The following STRN variants were observed in gnomAD, a reference collection of about 807,000 sequenced individuals.
STRN encodes protein phosphatase 2 regulatory subunit B'''alpha.
STRN carries 53 observed loss-of-function variants against 96.3 expected under a neutral mutation model. The observed-to-expected ratio is 0.55, with a 90% confidence interval of 0.44 to 0.69. The LOEUF (loss-of-function observed/expected upper bound fraction) is 0.69. Among genes scored for constraint, STRN ranks in the 30% least tolerant of loss-of-function variants. The pLI is 0.00. For synonymous variants in STRN, 428 were observed against 355.9 expected (o/e 1.20, Z -2.28); for missense variants, 987 against 963.9 (o/e 1.02, Z -0.32).
chr2:36,964,199 G>A, intron 1 of STRN, among the ~76,000 whole-genome samples: 1 of 148,308 alleles, frequency 6.7e-6, no homozygotes, highest in Non-Finnish European at 1.5e-5. Context: ...GGGAAGGATG[G>A]GTTGGAATTC....
intron 1 of STRN, among the ~76,000 whole-genome samples, chr2:36,931,506 G>T (rs1286335541): frequency 6.6e-6 from 1 of 152,154 alleles, no homozygotes; most frequent in Non-Finnish European, 1.5e-5. Context: ...GAGGATTCAA[G>T]TGATAAAATC....
chr2:36,932,693 C>T (rs983813856), intron 1 of STRN, among the ~76,000 whole-genome samples: 2 of 152,102 alleles, frequency 1.3e-5, no homozygotes, highest in Non-Finnish European at 1.5e-5. Context: ...GCCTTGAACT[C>T]CCGGGCTCAA....
intron 1 of STRN, among the ~76,000 whole-genome samples, chr2:36,954,439 T>C (rs1276054785): frequency 3.4e-5 from 5 of 147,940 alleles, no homozygotes; most frequent in African/African-American, 1.3e-4. Flanking sequence ...TTGAACCCAG[T>C]AGGCAGAGGT....
chr2:36,940,910 T>G (rs1176257261), intron 1 of STRN, among the ~76,000 whole-genome samples: 1 of 151,848 alleles, frequency 6.6e-6, no homozygotes, highest in East Asian at 1.9e-4. Context: ...CCCAGCACTT[T>G]GGGAGGCCAA....
intron 3 of STRN, among the ~76,000 whole-genome samples, chr2:36,910,363 TAAA>T (rs1669935470): frequency 6.6e-6 from 1 of 152,130 alleles, no homozygotes; most frequent in South Asian, 2.1e-4. Context: ...TAAATATCTT[TAAA>T]AGACAAAAGA....
chr2:36,925,847 T>C (rs998691190), intron 1 of STRN, among the ~76,000 whole-genome samples: 3 of 152,212 alleles, frequency 2.0e-5, no homozygotes, highest in Non-Finnish European at 4.4e-5. Flanking sequence ...AAAGTGTTTG[T>C]CTTTTTGCCA....
chr2:36,903,441 C>G (rs1330822457), intron 4 of STRN, among the ~76,000 whole-genome samples: 3 of 152,172 alleles, frequency 2.0e-5, no homozygotes, highest in South Asian at 2.1e-4. Flanking sequence ...AAAACAGACA[C>G]ACCTAATATT....
Position 36,850,602 on chromosome 2 carries a change from C to A in STRN, c.2086+398G>T, listed in dbSNP as rs1668194126. Among the ~76,000 whole-genome samples, 3 of 152,140 alleles carry A rather than the reference C, an allele frequency of 2.0e-5. No homozygotes were observed. The South Asian group carries it at 6.2e-4, about 31-fold the overall frequency. On this transcript the variant is annotated intron_variant, in intron 16 of 17. Coordinates refer to ENST00000263918, the MANE Select transcript of STRN (RefSeq NM_003162.4). ...AATATTGAATAATGCTATTCAATAA[C>A]TGAACAACTTTAAACAAAATATAAT...
chr2:36,944,097 G>A (rs1670918335), intron 1 of STRN, among the ~76,000 whole-genome samples: 7 of 152,086 alleles, frequency 4.6e-5, no homozygotes, highest in Admixed American at 3.3e-4. Context: ...TCCAACCTGG[G>A]CAACAAGAGT....
intron 7 of STRN, among the ~76,000 whole-genome samples, chr2:36,893,464 T>C (rs1360661239): frequency 6.6e-6 from 1 of 152,188 alleles, no homozygotes; most frequent in Admixed American, 6.5e-5. Context: ...AAAAATTCTA[T>C]GCCTTTTACG....
At chr2:36,882,518 G>A (rs1669101319) in intron 9 of STRN, among the ~76,000 whole-genome samples, 2 of 152,268 alleles carry the variant, frequency 1.3e-5, no homozygotes, top group South Asian at 2.1e-4. Flanking sequence ...TGTAATCCCA[G>A]CACTTTGGGA....
At chr2:36,870,761 A>T (rs997064020) in intron 10 of STRN, among the ~76,000 whole-genome samples, 1 of 152,090 alleles carries the variant, frequency 6.6e-6, no homozygotes, top group Non-Finnish European at 1.5e-5. Flanking sequence ...TATTCCTTCT[A>T]CTTATTTTTT....
intron 6 of STRN, among the ~76,000 whole-genome samples, chr2:36,897,040 G>A (rs1257593427): frequency 2.0e-5 from 3 of 152,004 alleles, no homozygotes; most frequent in African/African-American, 4.8e-5. Flanking sequence ...GGTGGTGCAT[G>A]CTTGTAATCC....
At chr2:36,966,172 C>T in intron 1 of STRN, 58 bp downstream of exon 1, 2 of 1,228,116 alleles carry the variant, frequency 1.6e-6, no homozygotes, top group South Asian at 2.2e-5. Flanking sequence ...GGGTCCGGGG[C>T]GGGGCGGAAG....
chr2:36,872,105 A>G (rs889176159), intron 10 of STRN, among the ~76,000 whole-genome samples: 28 of 152,176 alleles, frequency 1.8e-4, no homozygotes, highest in African/African-American at 6.0e-4. Flanking sequence ...GATGGCCCCA[A>G]TCAGCCCCAC....
chr2:36,962,152 G>C (rs909797967), intron 1 of STRN, among the ~76,000 whole-genome samples: 5 of 152,072 alleles, frequency 3.3e-5, no homozygotes, highest in Admixed American at 6.6e-5. Context: ...CTAGAACAAG[G>C]TCTGGCATGA....
intron 10 of STRN, among the ~76,000 whole-genome samples, chr2:36,874,730 A>AAAAAC (rs1553395096): frequency 1.0e-4 from 15 of 149,532 alleles, no homozygotes; most frequent in South Asian, 6.3e-4. Context: ...AAAAAAAAAA[A>AAAAAC]AAAAAAAAAA....
chr2:36,910,326 T>C (rs953805730), intron 3 of STRN, among the ~76,000 whole-genome samples: 7 of 152,148 alleles, frequency 4.6e-5, no homozygotes, highest in Non-Finnish European at 5.9e-5. Flanking sequence ...ATAATGAGTA[T>C]TGGGAATTTT....
intron 16 of STRN, 30 bp from the exon 17 acceptor site, chr2:36,849,830 T>C: frequency 6.2e-7 from 1 of 1,602,008 alleles, no homozygotes; most frequent in Non-Finnish European, 8.6e-7. Context: ...TACTCCTTAT[T>C]AATGCCTTTC....
Sources: allele counts gnomAD v4.1 joint callset (sites outside exome capture counted in the v4.1 genomes callset), GRCh38; gene constraint gnomAD v4.1.1; transcripts MANE v1.5; gene names NCBI Gene and HGNC (gene_info 2026-07-23, HGNC 2026-07-21).